TTK: variants seen among roughly 807,000 people sequenced by gnomAD.
TTK encodes the protein dual specificity protein kinase TTK.
TTK carries 59 observed loss-of-function variants against 117.3 expected under a neutral mutation model. The ratio of observed to expected loss-of-function variants is 0.50; its 90% CI spans 0.41 to 0.62. TTK has a LOEUF of 0.62. Ranked by LOEUF, TTK falls within the 20% of genes least tolerant of loss-of-function variation. The pLI is 0.00. For missense variants in TTK, 921 were observed against 989.4 expected, an observed-to-expected ratio of 0.93 and a Z score of 0.93; for synonymous variants, 302 against 325.0, an observed-to-expected ratio of 0.93 and a Z score of 0.76.
chr6:80,022,426 C>G lies in TTK; in HGVS notation c.1211C>G (p.Ser404Ter). The change falls in exon 11 of 22, where the codon TCA (serine) becomes TGA (stop). Residue 404 changes from serine (S) to a stop codon, truncating the protein, a stop_gained. Transcript: ENST00000369798. LOFTEE classifies it high-confidence loss of function. ...ECINQNPAAS[S>*]NHWQIPELAR... Reference sequence around the variant, plus strand: ...ATTAACCAGAATCCTGCTGCATCTTCAAATCACTGGCAGATTCCGGAGTTA... The same window carrying G: ...ATTAACCAGAATCCTGCTGCATCTTGAAATCACTGGCAGATTCCGGAGTTA... The G allele has an allele frequency of 6.2e-7, 1 of 1,613,944 alleles. No homozygotes were observed. The highest frequency in any genetic ancestry group is 1.1e-5 in the South Asian group (1 of 91,044).
At chr6:80,017,907 TA>T (rs1562015448) in intron 10 of TTK, among the ~76,000 whole-genome samples, 1 of 152,230 alleles carries the variant, frequency 6.6e-6, no homozygotes, top group Admixed American at 6.5e-5. Flanking sequence ...TATTCTTGAA[TA>T]TTTTTTTAAT....
At chr6:80,014,910 C>T (rs1265664879) in intron 10 of TTK, among the ~76,000 whole-genome samples, 6 of 151,946 alleles carry the variant, frequency 3.9e-5, no homozygotes, top group Non-Finnish European at 7.4e-5. Context: ...TTTTATCAAG[C>T]GTTTGGTTTT....
At chr6:80,035,754 C>T (rs929306570) in intron 16 of TTK, among the ~76,000 whole-genome samples, 9 of 152,046 alleles carry the variant, frequency 5.9e-5, no homozygotes, top group African/African-American at 2.2e-4. Context: ...GAGATGTTTA[C>T]TTTATTCATT....
intron 10 of TTK, 101 bp from the exon 11 acceptor site, chr6:80,022,223 G>A: frequency 8.1e-7 from 1 of 1,230,082 alleles, no homozygotes. Context: ...TTGTTTTTAA[G>A]AACTAAATAC....
chr6:80,008,177 A>G (rs1325682472), intron 3 of TTK, 146 bp downstream of exon 3: 3 of 1,061,946 alleles, frequency 2.8e-6, no homozygotes, highest in Admixed American at 3.1e-5. Context: ...ACAAGAGACT[A>G]ATGTAAACTC....
Position 80,005,877 on chromosome 6 carries a change from A to G in TTK, c.34A>G (p.Thr12Ala). The G allele has an allele frequency of 6.2e-7, 1 of 1,613,294 alleles. No individual in the cohort carries two copies. The highest frequency in any genetic ancestry group is 8.5e-7 in the Non-Finnish European group (1 of 1,179,740). The change falls in exon 2 of 22, where the codon ACA becomes GCA. Residue 12 changes from threonine (T) to alanine (A), a missense_variant. Transcript: ENST00000369798. ...CGAGGATTTAAGTGGCAGAGAATTG[A>G]CAATTGATTCCATAATGAACAAAGT... is the stretch of plus-strand genomic sequence containing the variant. ...ESEDLSGREL[T>A]IDSIMNKVRD...
intron 3 of TTK, 98 bp from the exon 4 acceptor site, chr6:80,008,288 G>A (rs922790437): frequency 1.7e-5 from 21 of 1,211,256 alleles, no homozygotes; most frequent in African/African-American, 4.7e-5. Flanking sequence ...ACAGAAAAAA[G>A]CAATATCCCA....
chr6:80,028,939 TTTCA>T (rs2127679187), intron 13 of TTK, among the ~76,000 whole-genome samples: 1 of 152,286 alleles, frequency 6.6e-6, no homozygotes, highest in South Asian at 2.1e-4. Flanking sequence ...TCGGTGCCCA[TTTCA>T]TTATCTATAA....
At chr6:80,005,057 C>T (rs150855947) in intron 1 of TTK, 27 of 152,366 alleles carry the variant, frequency 1.8e-4, no homozygotes, top group African/African-American at 4.8e-4. Flanking sequence ...TGGCCGTGAT[C>T]TGACAGTTAT....
rs72904727 is a variant in TTK at position 80,031,885 on chromosome 6, A to T, written c.1614+326A>T. ...AAAGAATCAGAAATTTCTGAGTCAGAATGTGATGTAAATTGCTAATATGTT... is the reference window on the plus strand; with the variant it reads ...AAAGAATCAGAAATTTCTGAGTCAGTATGTGATGTAAATTGCTAATATGTT... On this transcript the variant is annotated intron_variant, in intron 14 of 21. Coordinates refer to ENST00000369798, the MANE Select transcript of TTK (RefSeq NM_003318.5). Among the ~76,000 whole-genome samples, 394 of 152,338 alleles carry T rather than the reference A, an allele frequency of 2.6e-3. 1 individual carries two copies. The highest frequency in any genetic ancestry group is 4.7e-3 in the Non-Finnish European group (317 of 68,030).
chr6:80,040,577 T>A (rs757043393), intron 20 of TTK, 29 bp from the exon 21 acceptor site: 47 of 1,583,942 alleles, frequency 3.0e-5, no homozygotes, highest in Non-Finnish European at 3.8e-5. Context: ...TTCTTACTGG[T>A]ACTAGTGTAT....
In TTK at chr6:80,035,281, G is replaced by A; in HGVS notation, c.1788G>A (p.Gln596=). The change falls in exon 16 of 22, where the codon CAG becomes CAA. Residue 596 remains glutamine, a synonymous_variant. Coordinates refer to ENST00000369798, the MANE Select transcript of TTK (RefSeq NM_003318.5). ...IRLYDYEITD[Q]YIYMVMECGN... is the part of the protein sequence containing the mutation. ...TTAATTGCAGTGAAATCACGGACCA[G>A]TACATCTACATGGTAATGGAGTGTG... The A allele has an allele frequency of 6.2e-7, 1 of 1,601,882 alleles. No individual in the cohort carries two copies. The highest frequency in any genetic ancestry group is 8.5e-7 in the Non-Finnish European group (1 of 1,176,432).
intron 4 of TTK, 133 bp downstream of exon 4, chr6:80,008,625 G>A (rs1415941307): frequency 1.7e-5 from 12 of 696,734 alleles, no homozygotes; most frequent in Non-Finnish European, 2.7e-5. Context: ...TGAGAATATG[G>A]GGAGAAAATG....
At chr6:80,013,061 G>C (rs1425512272) in intron 8 of TTK, among the ~76,000 whole-genome samples, 1 of 152,010 alleles carries the variant, frequency 6.6e-6, no homozygotes, top group Non-Finnish European at 1.5e-5. Context: ...AGAAGTAGGC[G>C]ATCACCTGTG....
intron 14 of TTK, among the ~76,000 whole-genome samples, chr6:80,034,282 TC>T (rs2127681960): frequency 6.6e-6 from 1 of 152,174 alleles, no homozygotes; most frequent in Admixed American, 6.6e-5. Flanking sequence ...ACTGGTAACT[TC>T]CCATAAAACT....
At chr6:80,038,149 C>A in intron 18 of TTK, 102 bp downstream of exon 18, 1 of 708,896 alleles carries the variant, frequency 1.4e-6, no homozygotes, top group Non-Finnish European at 2.1e-6. Flanking sequence ...AGTTCTAAAA[C>A]TTTTTAGGCC....
intron 9 of TTK, 30 bp from the exon 10 acceptor site, chr6:80,014,433 G>A: frequency 6.4e-7 from 1 of 1,573,610 alleles, no homozygotes; most frequent in Non-Finnish European, 8.6e-7. Flanking sequence ...ACTATTTATG[G>A]GACTTTATTT....
rs770508314 is a variant in TTK at position 80,039,724 on chromosome 6, T to C, written c.2159T>C (p.Leu720Ser). The C allele has an allele frequency of 6.4e-7, 1 of 1,552,294 alleles. No individual in the cohort carries two copies. The change falls in exon 19 of 22, where the codon TTA (leucine) becomes TCA (serine). Residue 720 changes from leucine to serine, a missense_variant. Leu to Ser is a moderately radical substitution (Grantham distance 145). Coordinates refer to ENST00000369798, the MANE Select transcript of TTK (RefSeq NM_003318.5). ...AGCCCCAAAAGTGATGTTTGGTCCT[T>C]AGGATGTATTTTGTACTATATGACT... is the stretch of plus-strand genomic sequence containing the variant. ...KISPKSDVWS[L>S]GCILYYMTYG...
intron 14 of TTK, among the ~76,000 whole-genome samples, chr6:80,032,474 C>T (rs929787932): frequency 1.3e-5 from 2 of 152,186 alleles, no homozygotes; most frequent in Non-Finnish European, 2.9e-5. Context: ...AATTCCCAAA[C>T]TTGTATTTCC....
Sources: allele counts gnomAD v4.1 joint callset (sites outside exome capture counted in the v4.1 genomes callset), GRCh38; gene constraint gnomAD v4.1.1; transcripts MANE v1.5; gene names NCBI Gene and HGNC (gene_info 2026-07-23, HGNC 2026-07-21).